The following KCNMA1 variants were observed in gnomAD, a reference collection of about 807,000 sequenced individuals.
KCNMA1 encodes Calcium-activated potassium channel subunit alpha-1.
Under a neutral mutation model 140.0 loss-of-function variants are expected in KCNMA1, and 29 were observed. The ratio of observed to expected loss-of-function variants is 0.21; its 90% confidence interval spans 0.15 to 0.28. The LOEUF (loss-of-function observed/expected upper bound fraction) is 0.28, where lower values mean the gene tolerates loss of function less well. Among genes scored for constraint, KCNMA1 ranks in the 10% least tolerant of loss-of-function variants. The pLI is 1.00. For missense variants in KCNMA1, 880 were observed against 1,602.2 expected (o/e 0.55, Z 7.70); for synonymous variants, 612 against 611.9 (o/e 1.00, Z 0.00).
At chr10:77,637,099 C>T in intron 1 of KCNMA1, 166 bp downstream of exon 1, 1 of 1,306,644 alleles carries the variant, frequency 7.7e-7, no homozygotes, top group Non-Finnish European at 1.0e-6. Flanking sequence ...GCCCGCTGCC[C>T]CGATCCGAGA....
At chr10:77,637,146 G>T in intron 1 of KCNMA1, 119 bp downstream of exon 1, 4 of 1,251,590 alleles carry the variant, frequency 3.2e-6, no homozygotes, top group Non-Finnish European at 4.3e-6. Context: ...GGCGGCGAGG[G>T]GAAGGCAGGC....
chr10:77,232,889 T>TA (rs1247737310), intron 3 of KCNMA1, among the ~76,000 whole-genome samples: 1 of 38,218 alleles, frequency 2.6e-5, no homozygotes, highest in East Asian at 2.3e-3. Flanking sequence ...CAGCACCATT[T>TA]TTTTTTTTTT....
intron 23 of KCNMA1, among the ~76,000 whole-genome samples, chr10:76,919,507 G>A (rs2054426410): frequency 6.6e-6 from 1 of 152,090 alleles, no homozygotes; most frequent in African/African-American, 2.4e-5. Context: ...TACTGTATAA[G>A]AACTTTAGGT....
intron 19 of KCNMA1, among the ~76,000 whole-genome samples, chr10:76,993,852 A>G (rs1246089152): frequency 6.6e-6 from 1 of 152,226 alleles, no homozygotes; most frequent in East Asian, 1.9e-4. Flanking sequence ...AGGGGGGTCA[A>G]TTCCCTGCAT....
At chr10:77,386,698 T>C (rs1229380598) in intron 2 of KCNMA1, among the ~76,000 whole-genome samples, 1 of 152,228 alleles carries the variant, frequency 6.6e-6, no homozygotes, top group African/African-American at 2.4e-5. Context: ...TTGATGGAGA[T>C]GATAAACTCT....
chr10:77,594,471 C>G (rs2080187143), intron 1 of KCNMA1, among the ~76,000 whole-genome samples: 1 of 152,138 alleles, frequency 6.6e-6, no homozygotes, highest in Admixed American at 6.5e-5. Context: ...TGTTCAAACC[C>G]CGTCTCCCTA....
At chr10:77,571,586 G>T (rs2071353416) in intron 1 of KCNMA1, among the ~76,000 whole-genome samples, 1 of 152,182 alleles carries the variant, frequency 6.6e-6, no homozygotes, top group African/African-American at 2.4e-5. Flanking sequence ...CCCCCCTGCA[G>T]ATGTCTGCTG....
chr10:77,122,379 T>C (rs1328081442), intron 5 of KCNMA1, among the ~76,000 whole-genome samples: 1 of 152,188 alleles, frequency 6.6e-6, no homozygotes, highest in Admixed American at 6.5e-5. Flanking sequence ...ATATAACTTT[T>C]ATTAAATAAT....
chr10:77,067,493 C>T (rs952551863), intron 14 of KCNMA1, among the ~76,000 whole-genome samples: 2 of 152,200 alleles, frequency 1.3e-5, no homozygotes, highest in Admixed American at 6.5e-5. Flanking sequence ...CTCTCTCTCA[C>T]GCATGTGTGT....
At chr10:77,613,883 C>T (rs569987098) in intron 1 of KCNMA1, among the ~76,000 whole-genome samples, 40 of 152,318 alleles carry the variant, frequency 2.6e-4, no homozygotes, top group African/African-American at 9.4e-4. Context: ...AGGCTGTCTG[C>T]TGGTGGGAAC....
intron 2 of KCNMA1, among the ~76,000 whole-genome samples, chr10:77,335,755 C>T (rs115033500): frequency 6.6e-6 from 1 of 152,264 alleles, no homozygotes; most frequent in African/African-American, 2.4e-5. Flanking sequence ...GTACCACTAA[C>T]CTCATTTTGC....
At chr10:76,881,792 G>C (rs971363520), downstream of KCNMA1, among the ~76,000 whole-genome samples, 2 of 152,190 alleles carry the variant, frequency 1.3e-5, no homozygotes, top group African/African-American at 4.8e-5. Flanking sequence ...AACATGGATT[G>C]TGGCAGCAGA....
chr10:77,543,863 C>T (rs2060770126), intron 1 of KCNMA1, among the ~76,000 whole-genome samples: 1 of 152,032 alleles, frequency 6.6e-6, no homozygotes, highest in Non-Finnish European at 1.5e-5. Context: ...ATTTTTTCAT[C>T]ATTTATAACA....
chr10:77,161,837 C>A (rs891186413), intron 5 of KCNMA1, among the ~76,000 whole-genome samples: 2 of 152,180 alleles, frequency 1.3e-5, no homozygotes, highest in Non-Finnish European at 2.9e-5. Context: ...AGACTTTGAA[C>A]TCTTGTTGTA....
intron 5 of KCNMA1, among the ~76,000 whole-genome samples, chr10:77,134,794 C>G (rs574910223): frequency 6.6e-6 from 1 of 151,570 alleles, no homozygotes; most frequent in Non-Finnish European, 1.5e-5. Context: ...ATCAGGAGAT[C>G]GAGACCATCC....
chr10:77,177,003 C>G (rs935358589), intron 5 of KCNMA1, among the ~76,000 whole-genome samples: 2 of 152,054 alleles, frequency 1.3e-5, no homozygotes, highest in Non-Finnish European at 2.9e-5. Context: ...CAGAGTGATG[C>G]AAGGTGGGGA....
chr10:77,274,360 C>T (rs1166140539), intron 2 of KCNMA1, among the ~76,000 whole-genome samples: 1 of 152,136 alleles, frequency 6.6e-6, no homozygotes, highest in Non-Finnish European at 1.5e-5. Context: ...AGTGAGGATG[C>T]CCCCACAATG....
At chr10:77,275,857 T>C (rs530622747) in intron 2 of KCNMA1, among the ~76,000 whole-genome samples, 2 of 152,296 alleles carry the variant, frequency 1.3e-5, no homozygotes, top group East Asian at 3.9e-4. Context: ...AGTTATGTAA[T>C]CCACCCTGGG....
intron 19 of KCNMA1, among the ~76,000 whole-genome samples, chr10:76,999,150 T>C (rs2085354021): frequency 6.6e-6 from 1 of 152,240 alleles, no homozygotes; most frequent in Admixed American, 6.5e-5. Context: ...CCCCAAGGTT[T>C]TCTTCTCCCT....
Sources: allele counts gnomAD v4.1 joint callset (sites outside exome capture counted in the v4.1 genomes callset), GRCh38; gene constraint gnomAD v4.1.1; transcripts MANE v1.5; gene names NCBI Gene and HGNC (gene_info 2026-07-23, HGNC 2026-07-21).